The following TBCD variants were observed in gnomAD, a reference collection of about 807,000 sequenced individuals.
TBCD encodes tubulin-specific chaperone D.
TBCD carries 105 observed loss-of-function variants against 169.3 expected under a neutral mutation model. The ratio of observed to expected loss-of-function variants is 0.62; its 90% CI spans 0.53 to 0.73. TBCD has a LOEUF of 0.73. Among genes scored for constraint, TBCD ranks in the 30% least tolerant of loss-of-function variants. The pLI, the probability that TBCD is intolerant of heterozygous loss-of-function variation, is 0.00. For missense variants in TBCD, 1,444 were observed against 1,600.1 expected, an observed-to-expected ratio of 0.90 and a Z score of 1.66; for synonymous variants, 700 against 643.9, an observed-to-expected ratio of 1.09 and a Z score of -1.32.
At position 82,927,288 on chromosome 17, in the gene TBCD, C is replaced by G. The variant is rs753791614; in HGVS notation, c.2574C>G (p.Asp858Glu). ...GTGCGCTGCTGGGCTGCATGGACGA[C>G]TACACCACGGACAGCAGAGGGGACG... The part of the protein sequence containing the change: ...IYCALLGCMD[D>E]YTTDSRGDVG... Residue 858 changes from aspartate to glutamate, a missense_variant, in exon 29 of 39, where the codon GAC becomes GAG. Coordinates refer to ENST00000355528, the MANE Select transcript of TBCD (RefSeq NM_005993.5). The G allele has an allele frequency of 1.2e-6, 2 of 1,614,002 alleles. No individual in the cohort carries two copies. Among genetic ancestry groups the G allele is most frequent in the Non-Finnish European group, 1.7e-6 (2 of 1,179,884 alleles).
chr17:82,807,281 G>A (rs1244612296), intron 10 of TBCD, among the ~76,000 whole-genome samples: 1 of 152,216 alleles, frequency 6.6e-6, no homozygotes. Context: ...AGCCCACTTT[G>A]GTCACCCGTG....
At chr17:82,786,838 T>C (rs2049351132) in intron 7 of TBCD, among the ~76,000 whole-genome samples, 1 of 143,906 alleles carries the variant, frequency 6.9e-6, no homozygotes, top group Non-Finnish European at 1.5e-5. Flanking sequence ...TTTTTTTTTT[T>C]TTGATGATCT....
rs567508796 is a variant in TBCD at position 82,842,060 on chromosome 17, C to T, written c.1318+27126C>T. On this transcript the variant is annotated intron_variant, in intron 13 of 38. Coordinates refer to ENST00000355528, the MANE Select transcript of TBCD (RefSeq NM_005993.5). ...TGTCACCTTTCTCTGCTGAGGCAGC[C>T]TCGTGCTGCCCAGATGCAAGGCGGG... Among the ~76,000 whole-genome samples, 181 of 152,380 alleles carry T rather than the reference C, an allele frequency of 1.2e-3. 1 individual carries two copies. Among genetic ancestry groups the T allele is most frequent in the African/African-American group, 4.2e-3 (173 of 41,596 alleles).
intron 6 of TBCD, among the ~76,000 whole-genome samples, chr17:82,776,540 C>A (rs1488441661): frequency 6.6e-6 from 1 of 152,220 alleles, no homozygotes; most frequent in Admixed American, 6.5e-5. Context: ...ATGATCTTAA[C>A]AAGTCAGAGT....
chr17:82,928,741 C>G (rs1201891930), intron 30 of TBCD, among the ~76,000 whole-genome samples: 2 of 151,972 alleles, frequency 1.3e-5, no homozygotes, highest in African/African-American at 2.4e-5. Context: ...CAGCTTCTCT[C>G]TCCCCATCCC....
intron 13 of TBCD, among the ~76,000 whole-genome samples, chr17:82,858,276 T>A (rs1178936933): frequency 1.3e-5 from 2 of 152,326 alleles, no homozygotes; most frequent in African/African-American, 2.4e-5. Context: ...CTGTGACATA[T>A]AAACATGAAG....
At chr17:82,910,392 C>G (rs1207683052) in intron 22 of TBCD, among the ~76,000 whole-genome samples, 1 of 152,194 alleles carries the variant, frequency 6.6e-6, no homozygotes, top group Non-Finnish European at 1.5e-5. Context: ...ATTCCTGGGT[C>G]TTTCGTGAAG....
At chr17:82,894,427 G>C (rs1008749358) in intron 17 of TBCD, among the ~76,000 whole-genome samples, 2 of 152,156 alleles carry the variant, frequency 1.3e-5, no homozygotes, top group Non-Finnish European at 2.9e-5. Flanking sequence ...CCAGAAGCAT[G>C]CCCGATGCAT....
At chr17:82,898,921 C>T (rs964019071) in intron 17 of TBCD, among the ~76,000 whole-genome samples, 1 of 101,494 alleles carries the variant, frequency 9.9e-6, no homozygotes, top group Non-Finnish European at 2.4e-5. Flanking sequence ...TCACCTGCAT[C>T]TTCCTTGGGA....
intron 34 of TBCD, among the ~76,000 whole-genome samples, chr17:82,936,354 G>A (rs901626588): frequency 6.6e-6 from 1 of 152,124 alleles, no homozygotes; most frequent in Non-Finnish European, 1.5e-5. Flanking sequence ...TCTGCTTGTA[G>A]CGCTTTCCGC....
intron 13 of TBCD, among the ~76,000 whole-genome samples, chr17:82,868,465 A>G (rs1158613792): frequency 6.6e-6 from 1 of 152,100 alleles, no homozygotes; most frequent in Non-Finnish European, 1.5e-5. Context: ...CTAGCCCCTC[A>G]CTCTGGCGAA....
intron 7 of TBCD, among the ~76,000 whole-genome samples, chr17:82,796,911 C>T (rs1204457093): frequency 6.6e-6 from 1 of 152,250 alleles, no homozygotes; most frequent in Non-Finnish European, 1.5e-5. Flanking sequence ...CCTGCTTCTT[C>T]ATTTTTCCGT....
At position 82,907,838 on chromosome 17, in the gene TBCD, T is replaced by C; in HGVS notation, c.1983+17T>C. The C allele has an allele frequency of 1.2e-6, 2 of 1,612,310 alleles. No individual in the cohort carries two copies. Among genetic ancestry groups the C allele is most frequent in the South Asian group, 1.1e-5 (1 of 90,716 alleles). On this transcript the variant is annotated intron_variant, in intron 21 of 38. Coordinates refer to ENST00000355528, the MANE Select transcript of TBCD (RefSeq NM_005993.5). Reference sequence around the variant, plus strand: ...CACCAGCAGGTTTGTGTGCAGCCTCTGGGTGTACCCTCAGGAGGCATCACA... The same window carrying C: ...CACCAGCAGGTTTGTGTGCAGCCTCCGGGTGTACCCTCAGGAGGCATCACA...
At chr17:82,921,959 C>G (rs1346330589) in intron 25 of TBCD, among the ~76,000 whole-genome samples, 1 of 152,220 alleles carries the variant, frequency 6.6e-6, no homozygotes, top group African/African-American at 2.4e-5. Context: ...ACCCCAGGAC[C>G]TCTGCTCGCA....
chr17:82,850,497 G>A (rs1412111382), intron 13 of TBCD, among the ~76,000 whole-genome samples: 1 of 146,156 alleles, frequency 6.8e-6, no homozygotes, highest in Admixed American at 6.8e-5. Flanking sequence ...TGGCTGTGCT[G>A]TTTTGCTGTT....
Position 82,880,405 on chromosome 17 carries a change from C to G in TBCD, c.1476-3740C>G, listed in dbSNP as rs1224874055. ...TCAACTGATTGCCAACCTTAATTCC[C>G]CTTTGTCAGGTAAAGGAACATGTTT... On this transcript the variant is annotated intron_variant, in intron 14 of 38. Coordinates refer to ENST00000355528, the MANE Select transcript of TBCD (RefSeq NM_005993.5). This position sits in a 1 kb window ranked among gnomAD's most constrained non-coding sequence, Gnocchi z 5.0. 6.6e-6 allele frequency among the ~76,000 whole-genome samples: 1 copy of G among 152,200 alleles called. No individual in the cohort carries two copies. Among genetic ancestry groups the G allele is most frequent in the African/African-American group, 2.4e-5 (1 of 41,446 alleles).
Position 82,831,473 on chromosome 17 carries a change from A to C in TBCD, c.1318+16539A>C. 6.2e-7 allele frequency: 1 copy of C among 1,614,136 alleles called. No homozygotes were observed. The highest frequency in any genetic ancestry group is 8.5e-7 in the Non-Finnish European group (1 of 1,180,020). ...GGGAGTCTGAGACCATAGGAGGAAAATGCAGACTCTGGCCTGTAAAATCCG... is the reference window on the plus strand; with the variant it reads ...GGGAGTCTGAGACCATAGGAGGAAACTGCAGACTCTGGCCTGTAAAATCCG... On this transcript the variant is annotated intron_variant, in intron 13 of 38. Transcript: ENST00000355528. The surrounding 1 kb of genome is among the most constrained non-coding windows in gnomAD (Gnocchi z 4.6).
At position 82,942,126 on chromosome 17, in the gene TBCD, G is replaced by GT. The variant is rs1325689243; in HGVS notation, c.3565-323_3565-322insT. Reference sequence around the variant, plus strand: ...CCCCATTTCTGTGTGTGTAAAGGCTGAACTCAACAGCAGACTTTGGAATTA... The same window carrying GT: ...CCCCATTTCTGTGTGTGTAAAGGCTGTAACTCAACAGCAGACTTTGGAATTA... On this transcript the variant is annotated intron_variant, in intron 38 of 38. Coordinates refer to ENST00000355528, the MANE Select transcript of TBCD (RefSeq NM_005993.5). The GT allele has an allele frequency of 2.4e-4, 116 of 489,344 alleles. 2 individuals are homozygous for GT. The Admixed American group carries it at 4.4e-3, about 18-fold the overall frequency. 30.3% of individuals were successfully genotyped at this position (489,344 alleles called of 1,614,324 possible).
At chr17:82,836,682 T>C (rs1199330108) in intron 13 of TBCD, among the ~76,000 whole-genome samples, 1 of 148,876 alleles carries the variant, frequency 6.7e-6, no homozygotes, top group Non-Finnish European at 1.5e-5. Context: ...GCTGATACTT[T>C]TAGGCAAAAA....
Sources: gnomAD v4.1 joint callset for allele counts (sites outside exome capture counted in the v4.1 genomes callset) on GRCh38, gnomAD v4.1.1 for gene constraint, Gnocchi (gnomAD v3.1) non-coding constraint, MANE v1.5 for transcripts, NCBI Gene and HGNC (gene_info 2026-07-23, HGNC 2026-07-21) for gene names.